CEP43: variants seen among roughly 807,000 people sequenced by gnomAD.
CEP43 encodes the protein FGFR1 oncogene partner.
CEP43 carries 36 observed loss-of-function variants against 52.6 expected under a neutral mutation model. The ratio of observed to expected loss-of-function variants is 0.68; its 90% CI spans 0.52 to 0.90. The LOEUF is 0.90. Among genes scored for constraint, CEP43 ranks in the 40% least tolerant of loss-of-function variants. CEP43 has a pLI of 0.00. For synonymous variants in CEP43, 192 were observed against 172.4 expected (o/e 1.11, Z -0.89); for missense variants, 506 against 472.8 (o/e 1.07, Z -0.65).
In CEP43 at chr6:167,042,079, A is replaced by G. The variant is rs1179921243; in HGVS notation, c.*2101A>G. The G allele has an allele frequency of 1.4e-5, 13 of 940,660 alleles. No homozygotes were observed. Among genetic ancestry groups the G allele is most frequent in the Non-Finnish European group, 1.5e-5 (12 of 782,410 alleles). The allele number at this position is 940,660 out of a possible 1,614,324, so 58.3% of individuals were successfully genotyped here. Reference sequence around the variant, plus strand: ...CCTCGTTCCTGCCTTAGCCTCCTAAAGTGCCGGGATTACAGGCGTGAACCA... The same window carrying G: ...CCTCGTTCCTGCCTTAGCCTCCTAAGGTGCCGGGATTACAGGCGTGAACCA... On this transcript the variant is annotated 3_prime_UTR_variant, in exon 13 of 13. Transcript: ENST00000366847.
At chr6:167,010,553 C>T (rs9347171) in intron 5 of CEP43, among the ~76,000 whole-genome samples, 10,883 of 152,000 alleles carry the variant, frequency 0.072, 468 homozygotes, top group African/African-American at 0.12. Context: ...AGACCTGGGA[C>T]AGATTTCAGT....
Position 167,003,371 on chromosome 6 carries a change from A to T in CEP43, c.211+124A>T, listed in dbSNP as rs1353895814. 3 of 540,916 alleles carry T rather than the reference A, an allele frequency of 5.5e-6. No homozygotes were observed. In the African/African-American group the frequency reaches 5.9e-5, roughly 11 times the overall value. The allele number at this position is 540,916 out of a possible 1,614,324, so 33.5% of individuals were successfully genotyped here. A position where few individuals can be genotyped will look rare whatever the true frequency, so the allele number is the denominator to read the frequency against. On this transcript the variant is annotated intron_variant, in intron 3 of 12. Coordinates refer to ENST00000366847, the MANE Select transcript of CEP43 (RefSeq NM_007045.4). ...TCAATTGTTATAGGTCCTCATTTTA[A>T]AATAATATTTTATTGTACAACAATC...
At chr6:167,025,893 T>C (rs990342339) in intron 9 of CEP43, among the ~76,000 whole-genome samples, 5 of 152,172 alleles carry the variant, frequency 3.3e-5, no homozygotes, top group Admixed American at 6.5e-5. Context: ...GTAAGTGAAA[T>C]AGCAGTTGCA....
At chr6:167,014,478 A>T (rs1183907568) in intron 7 of CEP43, among the ~76,000 whole-genome samples, 1 of 152,100 alleles carries the variant, frequency 6.6e-6, no homozygotes. Flanking sequence ...TTATCAGTAC[A>T]GTTTTTACAT....
At position 167,051,352 on chromosome 6, in the gene CEP43, G is replaced by A. The variant is rs1382350116; in HGVS notation, c.*11374G>A. ...GTTTTACAAAGGCAGTTTAATTTTG[G>A]GGGGCAGGGCTATTATCATCTAAAC... On this transcript the variant is annotated 3_prime_UTR_variant, in exon 13 of 13. Transcript: ENST00000366847. The A allele has an allele frequency of 2.0e-5, 3 of 152,112 alleles. No individual in the cohort carries two copies. The highest frequency in any genetic ancestry group is 7.2e-5 in the African/African-American group (3 of 41,428). The allele number at this position is 152,112 out of a possible 1,614,324, so 9.4% of individuals were successfully genotyped here. A position where few individuals can be genotyped will look rare whatever the true frequency, so the allele number is the denominator to read the frequency against.
chr6:167,022,285 C>CAG, intron 7 of CEP43, 124 bp from the exon 8 acceptor site: 1 of 653,848 alleles, frequency 1.5e-6, no homozygotes, highest in Non-Finnish European at 2.6e-6. Context: ...CACACACACA[C>CAG]ACACACACAC....
At chr6:167,024,717 G>C in intron 8 of CEP43, 65 bp from the exon 9 acceptor site, 1 of 1,062,454 alleles carries the variant, frequency 9.4e-7, no homozygotes, top group Non-Finnish European at 1.4e-6. Flanking sequence ...TGTTTCTGTG[G>C]CAGAATAAAA....
intron 2 of CEP43, among the ~76,000 whole-genome samples, chr6:167,000,707 C>T (rs780785946): frequency 1.3e-5 from 2 of 152,224 alleles, no homozygotes; most frequent in African/African-American, 2.4e-5. Flanking sequence ...CTTCTTTAGA[C>T]CTGTATACCT....
chr6:167,045,151 A>C lies in CEP43; in HGVS notation c.*5173A>C, dbSNP rs1364971736. ...ACTGAGTCACTGTCGCCCAGGCTGGAGTGCAGTGGTACTAGCTCGGCTCAC... is the reference window on the plus strand; with the variant it reads ...ACTGAGTCACTGTCGCCCAGGCTGGCGTGCAGTGGTACTAGCTCGGCTCAC... On this transcript the variant is annotated 3_prime_UTR_variant, in exon 13 of 13. Coordinates refer to ENST00000366847, the MANE Select transcript of CEP43 (RefSeq NM_007045.4). 4 of 145,030 alleles carry C rather than the reference A, an allele frequency of 2.8e-5. No homozygotes were observed. In the East Asian group the frequency reaches 8.2e-4, roughly 30 times the overall value. The allele number at this position is 145,030 out of a possible 1,614,324, so 9.0% of individuals were successfully genotyped here.
chr6:167,039,898 A>G lies in CEP43; in HGVS notation c.1126-6A>G, dbSNP rs750524993. 1.2e-6 allele frequency: 2 copies of G among 1,613,028 alleles called. No homozygotes were observed. The highest frequency in any genetic ancestry group is 1.7e-4 in the Middle Eastern group (1 of 6,060). ...TTAATTATTTTCTTTCTTTTGAACA[A>G]CAAAGCTTGATGACCTCACACAAGA... is the stretch of plus-strand genomic sequence containing the variant. On this transcript the variant is annotated splice_polypyrimidine_tract_variant and splice_region_variant and intron_variant, in intron 12 of 12. Transcript: ENST00000366847.
intron 8 of CEP43, among the ~76,000 whole-genome samples, chr6:167,023,570 T>C (rs1780287498): frequency 6.6e-6 from 1 of 151,950 alleles, no homozygotes; most frequent in Admixed American, 6.6e-5. Context: ...AGTGTATGCG[T>C]TGGGATTGAT....
chr6:167,018,453 C>G (rs934542667), intron 7 of CEP43, among the ~76,000 whole-genome samples: 1 of 151,866 alleles, frequency 6.6e-6, no homozygotes, highest in Admixed American at 6.6e-5. Context: ...GCAGTGGCGG[C>G]GATTACAGCT....
intron 7 of CEP43, among the ~76,000 whole-genome samples, chr6:167,020,243 C>G (rs1780194160): frequency 6.6e-6 from 1 of 152,068 alleles, no homozygotes; most frequent in Non-Finnish European, 1.5e-5. Flanking sequence ...TCAGACATCT[C>G]TTTATAATCA....
chr6:167,007,237 T>C (rs1022987421), intron 5 of CEP43, among the ~76,000 whole-genome samples: 70 of 152,224 alleles, frequency 4.6e-4, no homozygotes, highest in African/African-American at 1.7e-3. Context: ...CCCAGTAGCA[T>C]GCCTGTGTAG....
Position 167,049,809 on chromosome 6 carries a change from A to T in CEP43, c.*9831A>T, listed in dbSNP as rs1360858724. The T allele has an allele frequency of 1.3e-5, 2 of 152,196 alleles. No individual in the cohort carries two copies. Among genetic ancestry groups the T allele is most frequent in the African/African-American group, 4.8e-5 (2 of 41,446 alleles). 9.4% of individuals were successfully genotyped at this position (152,196 alleles called of 1,614,324 possible). A position where few individuals can be genotyped will look rare whatever the true frequency, so the allele number is the denominator to read the frequency against. ...CTAAATTGTTTTCCAAAGCAGCTGC[A>T]CCATTTTATATCCCTACCAGCAATG... On this transcript the variant is annotated 3_prime_UTR_variant, in exon 13 of 13. Transcript: ENST00000366847.
At chr6:167,022,943 C>CAA (rs1287143753) in intron 8 of CEP43, among the ~76,000 whole-genome samples, 1 of 152,080 alleles carries the variant, frequency 6.6e-6, no homozygotes, top group Non-Finnish European at 1.5e-5. Context: ...GCTCTGGTGA[C>CAA]AGAGTCAGGC....
At chr6:167,022,742 G>C (rs761106150) in intron 8 of CEP43, 107 bp downstream of exon 8, 1 of 783,576 alleles carries the variant, frequency 1.3e-6, no homozygotes, top group Non-Finnish European at 2.0e-6. Context: ...ATAATTATTG[G>C]ATCCATAAAT....
chr6:167,030,967 T>C (rs1158113742), intron 10 of CEP43, among the ~76,000 whole-genome samples: 1 of 152,126 alleles, frequency 6.6e-6, no homozygotes, highest in Non-Finnish European at 1.5e-5. Flanking sequence ...TCGCCACTCC[T>C]TTTTTCTTCC....
intron 5 of CEP43, among the ~76,000 whole-genome samples, chr6:167,008,776 C>T (rs1345285002): frequency 2.0e-5 from 3 of 151,964 alleles, no homozygotes; most frequent in Admixed American, 2.0e-4. Context: ...GCCCAGCTGG[C>T]ATAGTGATTT....
Sources: allele counts gnomAD v4.1 joint callset (sites outside exome capture counted in the v4.1 genomes callset), GRCh38; gene constraint gnomAD v4.1.1; transcripts MANE v1.5; gene names NCBI Gene and HGNC (gene_info 2026-07-23, HGNC 2026-07-21).